ARHGDIB: variants seen among roughly 807,000 people sequenced by gnomAD.
ARHGDIB encodes the protein rho GDP-dissociation inhibitor 2.
A neutral mutation model predicts 22.6 loss-of-function variants in ARHGDIB; 20 were observed. That is an observed-to-expected ratio of 0.88 (90% CI 0.62 to 1.28). The LOEUF is 1.28. Among genes scored for constraint, ARHGDIB ranks in the 50% most tolerant of loss-of-function variants. The probability of loss-of-function intolerance (pLI) is 0.00; values close to 1 mark genes in which losing one functional copy is unlikely to be tolerated. For missense variants in ARHGDIB, 254 were observed against 245.4 expected (o/e 1.04, Z -0.23); for synonymous variants, 114 against 96.1 (o/e 1.19, Z -1.09).
At chr12:14,950,487 C>A in intron 2 of ARHGDIB, 45 bp downstream of exon 2, 1 of 1,538,138 alleles carries the variant, frequency 6.5e-7, no homozygotes, top group South Asian at 1.2e-5. Context: ...TGTCTTCTTC[C>A]CTCTCAGCGA....
chr12:14,944,615 A>G (rs1452049659), intron 5 of ARHGDIB, among the ~76,000 whole-genome samples, 161 bp downstream of exon 5: 1 of 152,200 alleles, frequency 6.6e-6, no homozygotes, highest in Non-Finnish European at 1.5e-5. Flanking sequence ...GGCCTTGTCA[A>G]TGTCTATATC....
At chr12:14,961,172 C>T (rs1039192706) in intron 1 of ARHGDIB, 1 of 152,376 alleles carries the variant, frequency 6.6e-6, no homozygotes, top group Non-Finnish European at 1.5e-5. Flanking sequence ...TTTGGATCTA[C>T]AGTCTTTTTC....
At chr12:14,948,018 G>C in intron 3 of ARHGDIB, 69 bp from the exon 4 acceptor site, 1 of 1,375,698 alleles carries the variant, frequency 7.3e-7, no homozygotes, top group Non-Finnish European at 1.0e-6. Context: ...TGACTTTTAA[G>C]TCCCGGAAAA....
chr12:14,961,083 A>G (rs1374216358), intron 1 of ARHGDIB: 2 of 152,120 alleles, frequency 1.3e-5, no homozygotes, highest in Non-Finnish European at 2.9e-5. Flanking sequence ...CAGTCTTTTT[A>G]CATTGTCTGC....
At chr12:14,959,895 GAGTA>G (rs1188219760) in intron 1 of ARHGDIB, among the ~76,000 whole-genome samples, 1 of 152,232 alleles carries the variant, frequency 6.6e-6, no homozygotes, top group Non-Finnish European at 1.5e-5. Flanking sequence ...TCTCACAAAA[GAGTA>G]AGATGCTCTT....
At chr12:14,947,610 A>G in intron 4 of ARHGDIB, 2 of 396,242 alleles carry the variant, frequency 5.0e-6, no homozygotes, top group South Asian at 8.5e-5. Context: ...TGCCTCGAGG[A>G]TGTGTTTGGA....
chr12:14,951,920 G>A (rs1864185219), intron 1 of ARHGDIB, among the ~76,000 whole-genome samples: 1 of 152,028 alleles, frequency 6.6e-6, no homozygotes. Context: ...CTAACCAAGA[G>A]GAAGAAGTCC....
Position 14,949,851 on chromosome 12 carries a change from G to T in ARHGDIB, c.216C>A (p.Leu72=). The T allele has an allele frequency of 6.2e-7, 1 of 1,613,652 alleles. No homozygotes were observed. Among genetic ancestry groups the T allele is most frequent in the Non-Finnish European group, 8.5e-7 (1 of 1,179,736 alleles). The change falls in exon 3 of 6, where the codon CTC becomes CTA. Residue 72 remains leucine (L), a synonymous_variant. Transcript: ENST00000228945. ...PKAPNVVVTR[L]TLVCESAPGP... is the part of the protein sequence containing the mutation. ...CCGGGGCACTCTCACAAACCAGGGT[G>T]AGCCGGGTGACAACGACATTGGGGG...
intron 1 of ARHGDIB, among the ~76,000 whole-genome samples, chr12:14,951,475 G>A (rs1015079908): frequency 6.6e-6 from 1 of 152,054 alleles, no homozygotes; most frequent in Non-Finnish European, 1.5e-5. Context: ...CTTTTTAAAT[G>A]CCACAAAAAT....
intron 1 of ARHGDIB, among the ~76,000 whole-genome samples, chr12:14,955,923 A>G (rs1391909977): frequency 6.6e-6 from 1 of 152,208 alleles, no homozygotes. Context: ...TATCACATGT[A>G]GTGCTAAGTG....
At chr12:14,953,255 A>G (rs1229896927) in intron 1 of ARHGDIB, among the ~76,000 whole-genome samples, 1 of 152,244 alleles carries the variant, frequency 6.6e-6, no homozygotes, top group Non-Finnish European at 1.5e-5. Context: ...ATTCAGGGCC[A>G]CATTAAAATC....
chr12:14,948,379 T>G (rs1423701554), intron 3 of ARHGDIB, among the ~76,000 whole-genome samples: 2 of 152,200 alleles, frequency 1.3e-5, no homozygotes, highest in Non-Finnish European at 2.9e-5. Context: ...TTTAGGAGTG[T>G]CAGCTATTTG....
intron 1 of ARHGDIB, among the ~76,000 whole-genome samples, chr12:14,955,518 G>A (rs1217456217): frequency 1.3e-5 from 2 of 152,162 alleles, no homozygotes; most frequent in Non-Finnish European, 2.9e-5. Context: ...GGTTACTATA[G>A]TCAAGCAAAT....
At chr12:14,947,598 T>C in intron 4 of ARHGDIB, 2 of 369,946 alleles carry the variant, frequency 5.4e-6, no homozygotes, top group Non-Finnish European at 9.9e-6. Flanking sequence ...CAAAGCAGTG[T>C]GTGCCTCGAG....
intron 4 of ARHGDIB, among the ~76,000 whole-genome samples, chr12:14,946,667 C>A (rs114788131): frequency 0.017 from 2,632 of 152,254 alleles, 81 homozygotes; most frequent in African/African-American, 0.058. Flanking sequence ...ATACCACATT[C>A]CTCCTCCACC....
intron 4 of ARHGDIB, among the ~76,000 whole-genome samples, chr12:14,946,151 C>T (rs763877056): frequency 2.0e-4 from 30 of 152,150 alleles, no homozygotes; most frequent in Non-Finnish European, 3.4e-4. Flanking sequence ...TCTTCTTCTG[C>T]CCACATCCCC....
intron 1 of ARHGDIB, among the ~76,000 whole-genome samples, chr12:14,954,628 G>A (rs762051761): frequency 6.6e-6 from 1 of 152,174 alleles, no homozygotes; most frequent in Non-Finnish European, 1.5e-5. Context: ...TCATCTTGGG[G>A]GATGAGGGAT....
intron 2 of ARHGDIB, 118 bp downstream of exon 2, chr12:14,950,414 G>A (rs771299953): frequency 1.4e-5 from 12 of 833,492 alleles, no homozygotes; most frequent in African/African-American, 5.1e-5. Context: ...ATTGTGCCTC[G>A]CTCACTTTTT....
chr12:14,954,648 T>G (rs999020814), intron 1 of ARHGDIB, among the ~76,000 whole-genome samples: 7 of 152,208 alleles, frequency 4.6e-5, no homozygotes, highest in Admixed American at 1.3e-4. Context: ...TTAGAGCACA[T>G]CATCTTTAGA....
Sources: gnomAD v4.1 joint callset for allele counts (sites outside exome capture counted in the v4.1 genomes callset) on GRCh38, gnomAD v4.1.1 for gene constraint, MANE v1.5 for transcripts, NCBI Gene and HGNC (gene_info 2026-07-23, HGNC 2026-07-21) for gene names.